SIRPA: variants seen among roughly 807,000 people sequenced by gnomAD.
The protein encoded by SIRPA is signal regulatory protein alpha, also known as tyrosine-protein phosphatase non-receptor type substrate 1.
SIRPA carries 9 observed loss-of-function variants against 50.3 expected under a neutral mutation model. The observed-to-expected ratio is 0.18, with a 90% CI of 0.11 to 0.31. The LOEUF is 0.31. Among genes scored for constraint, SIRPA ranks in the 10% least tolerant of loss-of-function variants. The probability of loss-of-function intolerance (pLI) is 1.00; values close to 1 mark genes in which losing one functional copy is unlikely to be tolerated. For synonymous variants in SIRPA, 265 were observed against 284.1 expected (o/e 0.93, Z 0.68); for missense variants, 474 against 661.6 (o/e 0.72, Z 3.11).
chr20:1,936,681 G>A lies in SIRPA; in HGVS notation c.1267-639G>A, dbSNP rs1986593131. 6.6e-6 allele frequency among the ~76,000 whole-genome samples: 1 copy of A among 152,208 alleles called. No individual in the cohort carries two copies. The highest frequency in any genetic ancestry group is 2.1e-4 in the South Asian group (1 of 4,836). On this transcript the variant is annotated intron_variant, in intron 7 of 7. Transcript: ENST00000358771. This position sits in a 1 kb window ranked among gnomAD's most constrained non-coding sequence, Gnocchi z 4.2. ...TATGGATCAGACTTCTTATGTGCCA[G>A]CCTTGGTTTCTGAATCATAACAAAT... is the stretch of plus-strand genomic sequence containing the variant.
chr20:1,937,590 G>A lies in SIRPA; in HGVS notation c.*22G>A. The stretch of plus-strand genomic sequence containing the variant: ...GTGAATGGGACCGTGGTTTGCTCTA[G>A]CACCCATCTCTACGCGCTTTCTTGT... On this transcript the variant is annotated 3_prime_UTR_variant, in exon 8 of 8. Transcript: ENST00000358771. The surrounding 1 kb of genome is among the most constrained non-coding windows in gnomAD (Gnocchi z 8.3). 3.1e-6 allele frequency: 5 copies of A among 1,610,798 alleles called. No homozygotes were observed. Among genetic ancestry groups the A allele is most frequent in the South Asian group, 1.1e-5 (1 of 90,968 alleles).
intron 2 of SIRPA, among the ~76,000 whole-genome samples, chr20:1,917,872 C>T (rs1256769822): frequency 6.6e-6 from 1 of 152,124 alleles, no homozygotes; most frequent in Admixed American, 6.6e-5. Flanking sequence ...TCTGGGTACC[C>T]TGGAGGGAGG....
chr20:1,922,467 A>G lies in SIRPA; in HGVS notation c.909A>G (p.Thr303=). 3 of 1,614,266 alleles carry G rather than the reference A, an allele frequency of 1.9e-6. No individual in the cohort carries two copies. The highest frequency in any genetic ancestry group is 2.5e-6 in the Non-Finnish European group (3 of 1,180,060). The change falls in exon 4 of 8, where the codon ACA becomes ACG. Residue 303 remains threonine (T), a synonymous_variant. Coordinates refer to ENST00000358771, the MANE Select transcript of SIRPA (RefSeq NM_001040023.2). Reference sequence around the variant, plus strand: ...GGACAGAAACGGCCTCAACCGTTACAGAGAACAAGGATGGTACCTACAACT... The same window carrying G: ...GGACAGAAACGGCCTCAACCGTTACGGAGAACAAGGATGGTACCTACAACT... ...VSRTETASTV[T]ENKDGTYNWM...
chr20:1,897,430 C>T (rs1983897453), intron 1 of SIRPA, among the ~76,000 whole-genome samples: 1 of 152,214 alleles, frequency 6.6e-6, no homozygotes, highest in Non-Finnish European at 1.5e-5. Context: ...TCTTCGGGGT[C>T]CTGGTCACAC....
At chr20:1,922,735 A>G (rs142684610) in intron 4 of SIRPA, 90 bp downstream of exon 4, 2 of 1,383,992 alleles carry the variant, frequency 1.4e-6, no homozygotes, top group African/African-American at 1.5e-5. Flanking sequence ...CATGCTTATT[A>G]TAGAACAATC....
At chr20:1,902,747 C>T (rs1029880387) in intron 1 of SIRPA, among the ~76,000 whole-genome samples, 2 of 152,168 alleles carry the variant, frequency 1.3e-5, no homozygotes, top group African/African-American at 2.4e-5. Context: ...TGCGGTGGCT[C>T]ACGCCTATAA....
chr20:1,915,148 G>A lies in SIRPA; in HGVS notation c.129G>A (p.Val43=), dbSNP rs1135192. Residue 43 remains valine (V), a synonymous_variant, in exon 2 of 8, where the codon GTG becomes GTA. Transcript: ENST00000358771. ...ELQVIQPDKS[V]LVAAGETATL... ...AGGTGATTCAGCCTGACAAGTCCGT[G>A]TTGGTTGCAGCTGGAGAGACAGCCA... 0.3 allele frequency: 373,889 copies of A among 1,254,720 alleles called. 97,718 individuals are homozygous for A. Among genetic ancestry groups the A allele is most frequent in the East Asian group, 0.65 (26,005 of 39,820 alleles). 77.7% of individuals were successfully genotyped at this position (1,254,720 alleles called of 1,614,324 possible). A position where few individuals can be genotyped will look rare whatever the true frequency, so the allele number is the denominator to read the frequency against.
Position 1,933,505 on chromosome 20 carries a change from G to T in SIRPA, c.1227-1210G>T, listed in dbSNP as rs1358080919. ...TCAGACCACGTGGGACTCTGAGCAG[G>T]GCGATGAGTTGGACTTGAACCAGCC... is the stretch of plus-strand genomic sequence containing the variant. On this transcript the variant is annotated intron_variant, in intron 6 of 7. Coordinates refer to ENST00000358771, the MANE Select transcript of SIRPA (RefSeq NM_001040023.2). The surrounding 1 kb of genome is among the most constrained non-coding windows in gnomAD (Gnocchi z 4.4). Among the ~76,000 whole-genome samples the T allele has an allele frequency of 6.6e-6, 1 of 152,060 alleles. No individual in the cohort carries two copies. Among genetic ancestry groups the T allele is most frequent in the Non-Finnish European group, 1.5e-5 (1 of 68,004 alleles).
intron 6 of SIRPA, among the ~76,000 whole-genome samples, chr20:1,930,346 C>T (rs1271989203): frequency 1.3e-5 from 2 of 152,220 alleles, no homozygotes; most frequent in Non-Finnish European, 1.5e-5. Context: ...GGGCCAATGT[C>T]CCTGAGGTTC....
intron 1 of SIRPA, among the ~76,000 whole-genome samples, chr20:1,900,103 C>CT (rs11481009): frequency 0.24 from 29,900 of 127,038 alleles, 4,222 homozygotes; most frequent in African/African-American, 0.43. Context: ...TTTTTTTTTT[C>CT]TTTTTTTTTT....
intron 1 of SIRPA, among the ~76,000 whole-genome samples, chr20:1,910,509 C>A (rs1984824726): frequency 6.6e-6 from 1 of 152,212 alleles, no homozygotes; most frequent in Admixed American, 6.5e-5. Context: ...TCCTTGCAGA[C>A]CTTTTTCTCT....
rs746107736 is a variant in SIRPA, at chr20:1,921,463, A to T, written c.505A>T (p.Thr169Ser). Reference protein sequence around the residue: ...RATPQHTVSFTCESHGFSPRD... With the variant: ...RATPQHTVSFSCESHGFSPRD... Reference sequence around the variant, plus strand: ...CACACCTCAGCACACAGTGAGCTTCACCTGCGAGTCCCACGGCTTCTCACC... The same window carrying T: ...CACACCTCAGCACACAGTGAGCTTCTCCTGCGAGTCCCACGGCTTCTCACC... Residue 169 changes from threonine (T) to serine (S), a missense_variant, in exon 3 of 8, where the codon ACC becomes TCC. Thr to Ser is a moderately conservative substitution (Grantham distance 58, BLOSUM62 1). This residue lies in a region of SIRPA where 221 missense variants were observed against 359.9 expected (regional missense o/e 0.61). Transcript: ENST00000358771. The T allele has an allele frequency of 5.0e-6, 8 of 1,613,818 alleles. No homozygotes were observed. Among genetic ancestry groups the T allele is most frequent in the Non-Finnish European group, 6.8e-6 (8 of 1,179,842 alleles).
intron 1 of SIRPA, among the ~76,000 whole-genome samples, chr20:1,914,762 C>T (rs74481719): frequency 0.04 from 6,097 of 152,064 alleles, 390 homozygotes; most frequent in African/African-American, 0.14. Flanking sequence ...AGTCTTTGCC[C>T]AGGCTGTTCC....
intron 5 of SIRPA, among the ~76,000 whole-genome samples, chr20:1,925,916 AC>A (rs754636048): frequency 1.3e-5 from 2 of 151,966 alleles, no homozygotes; most frequent in Non-Finnish European, 2.9e-5. Context: ...ACATACACAC[AC>A]CCTTTGTATA....
In SIRPA at chr20:1,937,980, T is replaced by TCCACCACCACCA. The variant is rs71193939; in HGVS notation, c.*432_*443dup. 80 of 153,070 alleles carry TCCACCACCACCA rather than the reference T, an allele frequency of 5.2e-4. No homozygotes were observed. The highest frequency in any genetic ancestry group is 1.8e-3 in the African/African-American group (59 of 32,814). The allele number at this position is 153,070 out of a possible 1,614,324, so 9.5% of individuals were successfully genotyped here. ...CCCACCTCCCCTGACCTCCACCACC[T>TCCACCACCACCA]CCACCACCACCACCACCACCACCAC... On this transcript the variant is annotated 3_prime_UTR_variant, in exon 8 of 8. Coordinates refer to ENST00000358771, the MANE Select transcript of SIRPA (RefSeq NM_001040023.2). This position sits in a 1 kb window ranked among gnomAD's most constrained non-coding sequence, Gnocchi z 8.3.
Position 1,915,258 on chromosome 20 carries a change from A to G in SIRPA, c.239A>G (p.Tyr80Cys), listed in dbSNP as rs1985188222. The G allele has an allele frequency of 6.2e-7, 1 of 1,612,802 alleles. No individual in the cohort carries two copies. Among genetic ancestry groups the G allele is most frequent in the Non-Finnish European group, 8.5e-7 (1 of 1,179,674 alleles). Reference sequence around the variant, plus strand: ...GCTGGACCAGGCCGGGAATTAATCTACAATCAAAAAGAAGGCCACTTCCCC... The same window carrying G: ...GCTGGACCAGGCCGGGAATTAATCTGCAATCAAAAAGAAGGCCACTTCCCC... ...RGAGPGRELI[Y>C]NQKEGHFPRV... The change falls in exon 2 of 8, where the codon TAC becomes TGC. Residue 80 changes from tyrosine to cysteine, a missense_variant. Around this residue, in one of 4 missense-constraint regions of SIRPA, gnomAD observed 221 missense variants for 359.9 expected, o/e 0.61. Coordinates refer to ENST00000358771, the MANE Select transcript of SIRPA (RefSeq NM_001040023.2).
Position 1,933,799 on chromosome 20 carries a change from C to T in SIRPA, c.1227-916C>T, listed in dbSNP as rs1986425887. ...AGAATTTACACAACTTCTGCCAAGC[C>T]AGTGGCTCTGGTTTGCTCATCACCT... On this transcript the variant is annotated intron_variant, in intron 6 of 7. Coordinates refer to ENST00000358771, the MANE Select transcript of SIRPA (RefSeq NM_001040023.2). This position sits in a 1 kb window ranked among gnomAD's most constrained non-coding sequence, Gnocchi z 4.4. Among the ~76,000 whole-genome samples, 1 of 152,204 alleles carries T rather than the reference C, an allele frequency of 6.6e-6. No homozygotes were observed. Among genetic ancestry groups the T allele is most frequent in the South Asian group, 2.1e-4 (1 of 4,828 alleles).
Position 1,924,480 on chromosome 20 carries a change from T to C in SIRPA, c.1088-284T>C, listed in dbSNP as rs1985854096. On this transcript the variant is annotated intron_variant, in intron 4 of 7. Transcript: ENST00000358771. This position sits in a 1 kb window ranked among gnomAD's most constrained non-coding sequence, Gnocchi z 4.5. ...AAGGAACGTTTCTGTTCCTCAGGAG[T>C]GAGATTTCTGCCTGTATCCTGCAGC... is the stretch of plus-strand genomic sequence containing the variant. Among the ~76,000 whole-genome samples the C allele has an allele frequency of 6.6e-6, 1 of 152,004 alleles. No individual in the cohort carries two copies. Among genetic ancestry groups the C allele is most frequent in the African/African-American group, 2.4e-5 (1 of 41,372 alleles).
chr20:1,921,471 G>T lies in SIRPA; in HGVS notation c.513G>T (p.Glu171Asp). 1 of 1,613,906 alleles carries T rather than the reference G, an allele frequency of 6.2e-7. No individual in the cohort carries two copies. Among genetic ancestry groups the T allele is most frequent in the Non-Finnish European group, 8.5e-7 (1 of 1,179,878 alleles). ...TPQHTVSFTC[E>D]SHGFSPRDIT... is the part of the protein sequence containing the mutation. ...AGCACACAGTGAGCTTCACCTGCGAGTCCCACGGCTTCTCACCCAGAGACA... is the reference window on the plus strand; with the variant it reads ...AGCACACAGTGAGCTTCACCTGCGATTCCCACGGCTTCTCACCCAGAGACA... The change falls in exon 3 of 8, where the codon GAG (glutamate) becomes GAT (aspartate). Residue 171 changes from glutamate to aspartate, a missense_variant. Glu to Asp is a conservative substitution (Grantham distance 45, BLOSUM62 2). Transcript: ENST00000358771.
Sources: gnomAD v4.1 joint callset for allele counts (sites outside exome capture counted in the v4.1 genomes callset) on GRCh38, gnomAD v4.1.1 for gene constraint, gnomAD v4.1.1 regional missense constraint, Gnocchi (gnomAD v3.1) non-coding constraint, MANE v1.5 for transcripts, NCBI Gene and HGNC (gene_info 2026-07-23, HGNC 2026-07-21) for gene names.